The following GRIA4 variants were observed in gnomAD, a reference collection of about 807,000 sequenced individuals.
GRIA4 encodes the protein glutamate receptor 4.
A neutral mutation model predicts 104.0 loss-of-function variants in GRIA4; 34 were observed. The observed-to-expected ratio is 0.33, with a 90% confidence interval of 0.25 to 0.44. The LOEUF (loss-of-function observed/expected upper bound fraction) is 0.44, where lower values mean the gene tolerates loss of function less well. Ranked by LOEUF, GRIA4 falls within the 20% of genes least tolerant of loss-of-function variation. The pLI is 1.00. For synonymous variants in GRIA4, 386 were observed against 381.9 expected, an observed-to-expected ratio of 1.01 and a Z score of -0.13; for missense variants, 750 against 1,096.5, an observed-to-expected ratio of 0.68 and a Z score of 4.46.
chr11:105,648,582 A>C (rs1951597602), intron 3 of GRIA4, among the ~76,000 whole-genome samples: 1 of 151,826 alleles, frequency 6.6e-6, no homozygotes, highest in South Asian at 2.1e-4. Context: ...GATATTAATA[A>C]ATGCAAAAAG....
chr11:105,754,230 T>C (rs10128540), intron 4 of GRIA4, among the ~76,000 whole-genome samples: 68,666 of 151,944 alleles, frequency 0.45, 15,946 homozygotes, highest in Middle Eastern at 0.52. Context: ...GGGGGTTTAG[T>C]AATAGTAAGT....
intron 8 of GRIA4, 74 bp downstream of exon 8, chr11:105,904,055 AT>A: frequency 9.7e-7 from 1 of 1,032,148 alleles, no homozygotes; most frequent in Non-Finnish European, 1.5e-6. Context: ...AAACAGACTA[AT>A]TTATCCAAGC....
chr11:105,661,215 A>G (rs555225542), intron 3 of GRIA4, among the ~76,000 whole-genome samples: 2 of 151,762 alleles, frequency 1.3e-5, no homozygotes, highest in East Asian at 3.9e-4. Flanking sequence ...AGAGAAAAGC[A>G]TGGGTAGACA....
intron 3 of GRIA4, among the ~76,000 whole-genome samples, chr11:105,615,331 C>G (rs1950574110): frequency 6.6e-6 from 1 of 151,790 alleles, no homozygotes; most frequent in South Asian, 2.1e-4. Flanking sequence ...GCTCATAAGT[C>G]TAAACCTGAT....
intron 6 of GRIA4, among the ~76,000 whole-genome samples, chr11:105,895,594 A>G (rs1946622780): frequency 6.8e-6 from 1 of 147,672 alleles, no homozygotes; most frequent in African/African-American, 2.5e-5. Context: ...TGTGTACACA[A>G]TAGATATGAT....
intron 4 of GRIA4, among the ~76,000 whole-genome samples, chr11:105,805,302 T>TATA (rs1406036966): frequency 1.7e-4 from 26 of 151,640 alleles, no homozygotes; most frequent in African/African-American, 5.6e-4. Flanking sequence ...GGCAATAGAA[T>TATA]ATAGATAGAA....
chr11:105,930,604 G>A (rs750202452), intron 13 of GRIA4, among the ~76,000 whole-genome samples: 1 of 152,024 alleles, frequency 6.6e-6, no homozygotes, highest in Non-Finnish European at 1.5e-5. Context: ...TTTTTAAAAA[G>A]ATTTATTTGC....
At chr11:105,894,798 T>TCCCACCAAAAAATAAACCAAACAC (rs1591410229) in intron 6 of GRIA4, among the ~76,000 whole-genome samples, 4 of 138,748 alleles carry the variant, frequency 2.9e-5, no homozygotes, top group Admixed American at 7.4e-5. Context: ...CATATTTTTT[T>TCCCACCAAAAAATAAACCAAACAC]TTTTTTTTTT....
intron 10 of GRIA4, among the ~76,000 whole-genome samples, chr11:105,913,684 A>G (rs1947321346): frequency 6.6e-6 from 1 of 152,034 alleles, no homozygotes; most frequent in Non-Finnish European, 1.5e-5. Context: ...TTTCTTGGCT[A>G]TTGAACTCTC....
chr11:105,971,365 T>G (rs1858682705), intron 14 of GRIA4, among the ~76,000 whole-genome samples: 1 of 152,184 alleles, frequency 6.6e-6, no homozygotes, highest in South Asian at 2.1e-4. Flanking sequence ...GATGGTCTTT[T>G]GTAACACTGA....
At chr11:105,732,517 G>T (rs1309534521) in intron 3 of GRIA4, among the ~76,000 whole-genome samples, 2 of 152,138 alleles carry the variant, frequency 1.3e-5, no homozygotes, top group Non-Finnish European at 2.9e-5. Flanking sequence ...GAACTCCTCA[G>T]TGTGAGCTAC....
In GRIA4 at chr11:105,915,372, G is replaced by C. The variant is rs1179117599; in HGVS notation, c.1270-3340G>C. The stretch of plus-strand genomic sequence containing the variant: ...TCAGCAGGAAAACAATGACCTGATG[G>C]ACCCCTGCTGTCCAAAATAAAAAAG... On this transcript the variant is annotated intron_variant, in intron 10 of 16. Transcript: ENST00000282499. 2.6e-5 allele frequency among the ~76,000 whole-genome samples: 4 copies of C among 152,030 alleles called. No individual in the cohort carries two copies. The East Asian group carries it at 7.7e-4, about 29-fold the overall frequency.
At chr11:105,740,538 C>A (rs915678743) in intron 3 of GRIA4, among the ~76,000 whole-genome samples, 1 of 152,216 alleles carries the variant, frequency 6.6e-6, no homozygotes, top group Non-Finnish European at 1.5e-5. Context: ...GTTACTTCTT[C>A]TTGTGGAACG....
At chr11:105,712,177 A>G (rs1207372707) in intron 3 of GRIA4, among the ~76,000 whole-genome samples, 1 of 152,096 alleles carries the variant, frequency 6.6e-6, no homozygotes, top group South Asian at 2.1e-4. Flanking sequence ...ATCTGGAAGG[A>G]CAACCTCAAC....
rs527598608 is a variant in GRIA4, at chr11:105,634,361, A to C, written c.247+21927A>C. ...GAGAGAGTCTCCGTCTCCAAAAAAAAAAAAAAAAGAAGAAGAAAGAAGGAA... is the reference window on the plus strand; with the variant it reads ...GAGAGAGTCTCCGTCTCCAAAAAAACAAAAAAAAGAAGAAGAAAGAAGGAA... On this transcript the variant is annotated intron_variant, in intron 3 of 16. Transcript: ENST00000282499. Among the ~76,000 whole-genome samples the C allele has an allele frequency of 2.5e-3, 370 of 150,416 alleles. 2 individuals carry two copies. The highest frequency in any genetic ancestry group is 8.2e-3 in the African/African-American group (337 of 40,898).
At chr11:105,726,543 T>G (rs1938221993) in intron 3 of GRIA4, among the ~76,000 whole-genome samples, 1 of 152,162 alleles carries the variant, frequency 6.6e-6, no homozygotes, top group Admixed American at 6.5e-5. Context: ...AGAGCTCTGC[T>G]AAGGGACAGA....
intron 4 of GRIA4, among the ~76,000 whole-genome samples, chr11:105,849,595 T>C (rs1437901606): frequency 2.0e-5 from 3 of 152,186 alleles, no homozygotes; most frequent in African/African-American, 7.2e-5. Context: ...CAAAGTAGTT[T>C]TCACTGTCAG....
intron 4 of GRIA4, among the ~76,000 whole-genome samples, chr11:105,794,230 T>C (rs1415287065): frequency 2.6e-5 from 4 of 151,606 alleles, no homozygotes; most frequent in Admixed American, 2.0e-4. Flanking sequence ...TGGGCACTTA[T>C]TGATCTTAGA....
At chr11:105,884,212 C>T (rs755748115) in intron 5 of GRIA4, among the ~76,000 whole-genome samples, 28 of 152,232 alleles carry the variant, frequency 1.8e-4, no homozygotes, top group Non-Finnish European at 3.2e-4. Flanking sequence ...CTTGTGTGAA[C>T]ACAGTTCCAT....
Sources: gnomAD v4.1 joint callset for allele counts (sites outside exome capture counted in the v4.1 genomes callset) on GRCh38, gnomAD v4.1.1 for gene constraint, MANE v1.5 for transcripts, NCBI Gene and HGNC (gene_info 2026-07-23, HGNC 2026-07-21) for gene names.